The following PRKD3 variants were observed in gnomAD, a reference collection of about 807,000 sequenced individuals.
PRKD3 encodes the protein protein kinase D3, also known as serine/threonine-protein kinase D3.
PRKD3 carries 47 observed loss-of-function variants against 99.2 expected under a neutral mutation model. The ratio of observed to expected loss-of-function variants is 0.47; its 90% CI spans 0.38 to 0.60. The LOEUF is 0.60. Ranked by LOEUF, PRKD3 falls within the 20% of genes least tolerant of loss-of-function variation. The probability of loss-of-function intolerance (pLI) is 0.00; values close to 1 mark genes in which losing one functional copy is unlikely to be tolerated. For missense variants in PRKD3, 1,019 were observed against 1,088.4 expected (o/e 0.94, Z 0.90); for synonymous variants, 392 against 355.4 (o/e 1.10, Z -1.16).
chr2:37,267,297 T>C lies in PRKD3; in HGVS notation c.1884+133A>G, dbSNP rs1668909260. ...AAAACTACTACCATAAAGCAAGATA[T>C]TGGCAGTCCCTATAATGCCTATATT... On this transcript the variant is annotated intron_variant, in intron 14 of 18. Coordinates refer to ENST00000234179, the MANE Select transcript of PRKD3 (RefSeq NM_005813.6). 5 of 535,818 alleles carry C rather than the reference T, an allele frequency of 9.3e-6. No individual in the cohort carries two copies. In the South Asian group the frequency reaches 1.3e-4, roughly 14 times the overall value. 33.2% of individuals were successfully genotyped at this position (535,818 alleles called of 1,614,324 possible).
intron 14 of PRKD3, among the ~76,000 whole-genome samples, chr2:37,263,407 A>C (rs1388626281): frequency 6.6e-6 from 1 of 152,210 alleles, no homozygotes; most frequent in African/African-American, 2.4e-5. Context: ...CTTTGTTTTT[A>C]GGGTACAGAG....
intron 16 of PRKD3, among the ~76,000 whole-genome samples, chr2:37,258,655 CAACT>C (rs1260297901): frequency 1.3e-5 from 2 of 152,134 alleles, no homozygotes; most frequent in African/African-American, 2.4e-5. Flanking sequence ...AACATTGCAC[CAACT>C]ATCAGGCAAC....
At position 37,277,893 on chromosome 2, in the gene PRKD3, C is replaced by T. The variant is rs754084106; in HGVS notation, c.1269G>A (p.Met423Ile). The change falls in exon 9 of 19, where the codon ATG becomes ATA. Residue 423 changes from methionine to isoleucine, a missense_variant. Physicochemically the swap from Met to Ile is conservative, Grantham distance 10. Coordinates refer to ENST00000234179, the MANE Select transcript of PRKD3 (RefSeq NM_005813.6). ...KSSTMVKEGW[M>I]VHYTSRDNLR... ...GGTTATCCCTGCTGGTGTAATGGAC[C>T]ATCCACCCTTCCTTCACCATTGTGC... 6.2e-7 allele frequency: 1 copy of T among 1,613,438 alleles called. No individual in the cohort carries two copies. The highest frequency in any genetic ancestry group is 1.1e-5 in the South Asian group (1 of 91,040).
In PRKD3 at chr2:37,251,879, A is replaced by AG. The variant is rs1175686150; in HGVS notation, c.*1297dup. On this transcript the variant is annotated 3_prime_UTR_variant, in exon 19 of 19. Coordinates refer to ENST00000234179, the MANE Select transcript of PRKD3 (RefSeq NM_005813.6). ...TCTTTTACTTTTGTTAGAGTGGAGA[A>AG]GAAAAAAAAAAAGGTTTACAATGAT... The AG allele has an allele frequency of 6.8e-6, 1 of 147,478 alleles. No individual in the cohort carries two copies. The highest frequency in any genetic ancestry group is 2.2e-4 in the East Asian group (1 of 4,470). The allele number at this position is 147,478 out of a possible 1,614,324, so 9.1% of individuals were successfully genotyped here.
chr2:37,298,061 A>G (rs905493325), intron 2 of PRKD3, among the ~76,000 whole-genome samples: 4 of 152,084 alleles, frequency 2.6e-5, no homozygotes, highest in Non-Finnish European at 4.4e-5. Context: ...TTTATTCACA[A>G]CATTTATATA....
At chr2:37,321,589 T>C (rs1671885559) in intron 1 of PRKD3, among the ~76,000 whole-genome samples, 1 of 152,228 alleles carries the variant, frequency 6.6e-6, no homozygotes, top group Non-Finnish European at 1.5e-5. Context: ...TTTCCCAGAC[T>C]GTTATGAGAG....
rs1030469654 is a variant in PRKD3, at chr2:37,293,336, A to C, written c.289-65T>G. 59 of 1,394,614 alleles carry C rather than the reference A, an allele frequency of 4.2e-5. No homozygotes were observed. The African/African-American group carries it at 7.5e-4, about 18-fold the overall frequency. 86.4% of individuals were successfully genotyped at this position (1,394,614 alleles called of 1,614,324 possible). A position where few individuals can be genotyped will look rare whatever the true frequency, so the allele number is the denominator to read the frequency against. On this transcript the variant is annotated intron_variant, in intron 2 of 18. Transcript: ENST00000234179. ...TCTATTTTTATAAGTAAACGTTTCAATTTTATCAAAGAATTTAAAACATAG... is the reference window on the plus strand; with the variant it reads ...TCTATTTTTATAAGTAAACGTTTCACTTTTATCAAAGAATTTAAAACATAG...
At chr2:37,299,188 T>C (rs59712801) in intron 2 of PRKD3, among the ~76,000 whole-genome samples, 6,811 of 152,176 alleles carry the variant, frequency 0.045, 168 homozygotes, top group African/African-American at 0.052. Context: ...GAGATGACCA[T>C]ATGGGTTTTG....
At chr2:37,287,230 CAAAAAAAAAAAAAAAAAAAAA>C (rs754092348) in intron 5 of PRKD3, among the ~76,000 whole-genome samples, 15 of 53,652 alleles carry the variant, frequency 2.8e-4, no homozygotes, top group African/African-American at 3.8e-4. Flanking sequence ...AACTCCATCT[CAAAAAAAAAAAAAAAAAAAAA>C]AAAAAAAAAA....
intron 6 of PRKD3, among the ~76,000 whole-genome samples, chr2:37,284,756 T>C (rs1670010139): frequency 6.6e-6 from 1 of 152,192 alleles, no homozygotes; most frequent in Non-Finnish European, 1.5e-5. Context: ...TTGTGTGCTA[T>C]CATACACTGT....
intron 2 of PRKD3, among the ~76,000 whole-genome samples, chr2:37,306,665 C>T (rs1188041132): frequency 6.6e-6 from 1 of 151,956 alleles, no homozygotes; most frequent in African/African-American, 2.4e-5. Context: ...AAAAATTAGC[C>T]GAGCGTGGTG....
chr2:37,320,423 C>CTTTTTTTT (rs35158902), intron 1 of PRKD3, among the ~76,000 whole-genome samples: 3 of 78,126 alleles, frequency 3.8e-5, no homozygotes, highest in African/African-American at 5.1e-5. Context: ...AAGTTAACGA[C>CTTTTTTTT]TTTTTTTTTT....
chr2:37,306,248 A>C (rs552890438), intron 2 of PRKD3, among the ~76,000 whole-genome samples: 8 of 152,126 alleles, frequency 5.3e-5, no homozygotes, highest in Non-Finnish European at 1.0e-4. Flanking sequence ...TCTGATCAGG[A>C]AATTTCTGTT....
At chr2:37,300,312 A>T (rs932480484) in intron 2 of PRKD3, among the ~76,000 whole-genome samples, 1 of 152,184 alleles carries the variant, frequency 6.6e-6, no homozygotes, top group Non-Finnish European at 1.5e-5. Flanking sequence ...GTATGTGAAA[A>T]ATTTAAAAAA....
chr2:37,277,284 CA>C, intron 9 of PRKD3, among the ~76,000 whole-genome samples: 1 of 152,184 alleles, frequency 6.6e-6, no homozygotes, highest in East Asian at 1.9e-4. Flanking sequence ...CACAAGGAAA[CA>C]AAAGCATAAA....
chr2:37,308,520 C>A (rs1671266511), intron 2 of PRKD3, among the ~76,000 whole-genome samples: 1 of 147,234 alleles, frequency 6.8e-6, no homozygotes, highest in African/African-American at 2.5e-5. Context: ...TGCCACCACC[C>A]ACCCCCACCC....
chr2:37,254,372 C>T, intron 17 of PRKD3, 83 bp from the exon 18 acceptor site: 1 of 1,041,288 alleles, frequency 9.6e-7, no homozygotes, highest in South Asian at 1.3e-5. Flanking sequence ...GGCAGTTCAA[C>T]CCATAGAAAT....
At chr2:37,256,423 CA>C (rs1265861988) in intron 17 of PRKD3, among the ~76,000 whole-genome samples, 1 of 152,116 alleles carries the variant, frequency 6.6e-6, no homozygotes, top group Non-Finnish European at 1.5e-5. Context: ...AGTGGTTTGA[CA>C]ATGAGGCCAC....
chr2:37,284,340 G>T (rs539762090), intron 6 of PRKD3, among the ~76,000 whole-genome samples: 1 of 152,190 alleles, frequency 6.6e-6, no homozygotes, highest in Admixed American at 6.5e-5. Context: ...AAGCATAAAA[G>T]ATTCTTCTTC....
Sources: gnomAD v4.1 joint callset for allele counts (sites outside exome capture counted in the v4.1 genomes callset) on GRCh38, gnomAD v4.1.1 for gene constraint, MANE v1.5 for transcripts, NCBI Gene and HGNC (gene_info 2026-07-23, HGNC 2026-07-21) for gene names.